The following RHOA variants were observed in gnomAD, a reference collection of about 807,000 sequenced individuals.
The protein encoded by RHOA is transforming protein RhoA.
RHOA carries 3 observed loss-of-function variants against 17.5 expected under a neutral mutation model. The ratio of observed to expected loss-of-function variants is 0.17; its 90% CI spans 0.08 to 0.44. The LOEUF (loss-of-function observed/expected upper bound fraction) is 0.44. RHOA is among the 20% of genes least tolerant of loss of function. The pLI, the probability that RHOA is intolerant of heterozygous loss-of-function variation, is 0.99. For missense variants in RHOA, 56 were observed against 242.3 expected (o/e 0.23, Z 5.10); for synonymous variants, 98 against 88.4 (o/e 1.11, Z -0.61).
At chr3:49,364,121 A>G (rs1319967665) in intron 3 of RHOA, among the ~76,000 whole-genome samples, 7 of 151,906 alleles carry the variant, frequency 4.6e-5, no homozygotes, top group Non-Finnish European at 4.4e-5. Flanking sequence ...AGGCTGAGGC[A>G]GGTGGATCGC....
intron 1 of RHOA, among the ~76,000 whole-genome samples, chr3:49,392,229 C>G (rs184701936): frequency 6.6e-6 from 1 of 152,128 alleles, no homozygotes; most frequent in Admixed American, 6.6e-5. Context: ...GCCAGGAGCT[C>G]GAGACCAGCC....
chr3:49,392,174 T>C (rs1218067624), intron 1 of RHOA, among the ~76,000 whole-genome samples: 1 of 151,986 alleles, frequency 6.6e-6, no homozygotes, highest in Non-Finnish European at 1.5e-5. Context: ...AAAACAATGC[T>C]GGTCAGGCAC....
intron 1 of RHOA, among the ~76,000 whole-genome samples, chr3:49,397,044 C>T (rs991201155): frequency 2.7e-5 from 4 of 150,238 alleles, no homozygotes; most frequent in Admixed American, 6.7e-5. Flanking sequence ...GTGGCAGGAT[C>T]GCTTGGGCCC....
At chr3:49,370,449 G>C (rs2107842071) in intron 2 of RHOA, among the ~76,000 whole-genome samples, 1 of 152,274 alleles carries the variant, frequency 6.6e-6, no homozygotes, top group South Asian at 2.1e-4. Flanking sequence ...GAAGATACAA[G>C]ACTAAGTAAA....
chr3:49,405,649 G>A (rs920968072), intron 1 of RHOA, among the ~76,000 whole-genome samples: 26 of 152,052 alleles, frequency 1.7e-4, no homozygotes, highest in Middle Eastern at 3.2e-3. Flanking sequence ...CAGAATCCAT[G>A]CTCTTAAATA....
At chr3:49,411,654 C>T (rs1228496499) in intron 1 of RHOA, among the ~76,000 whole-genome samples, 166 bp downstream of exon 1, 3 of 151,694 alleles carry the variant, frequency 2.0e-5, no homozygotes, top group Non-Finnish European at 4.4e-5. Context: ...GCTTGGGGCG[C>T]GGGGCCCGGG....
chr3:49,397,850 T>C (rs1013067702), intron 1 of RHOA, among the ~76,000 whole-genome samples: 2 of 152,064 alleles, frequency 1.3e-5, no homozygotes, highest in South Asian at 2.1e-4. Flanking sequence ...TAACAGCTGA[T>C]AGAGGCAAGG....
chr3:49,401,564 A>C (rs963275743), intron 1 of RHOA, among the ~76,000 whole-genome samples: 2 of 151,920 alleles, frequency 1.3e-5, no homozygotes, highest in Non-Finnish European at 2.9e-5. Flanking sequence ...GTCTCAAAAA[A>C]AAAAAAAAAA....
At position 49,360,037 on chromosome 3, in the gene RHOA, T is replaced by G; in HGVS notation, c.*172A>C. On this transcript the variant is annotated 3_prime_UTR_variant, in exon 5 of 5. Coordinates refer to ENST00000418115, the MANE Select transcript of RHOA (RefSeq NM_001664.4). ...AAAGGACCCTGGTGGGCCAGACGGG[T>G]TGGACATCGTTAATAATCATAGTTG... 2 of 728,912 alleles carry G rather than the reference T, an allele frequency of 2.7e-6. No homozygotes were observed. The highest frequency in any genetic ancestry group is 4.2e-6 in the Non-Finnish European group (2 of 472,380). The allele number at this position is 728,912 out of a possible 1,614,324, so 45.2% of individuals were successfully genotyped here. A position where few individuals can be genotyped will look rare whatever the true frequency, so the allele number is the denominator to read the frequency against.
At chr3:49,397,427 C>T (rs1207985067) in intron 1 of RHOA, among the ~76,000 whole-genome samples, 1 of 152,176 alleles carries the variant, frequency 6.6e-6, no homozygotes, top group Non-Finnish European at 1.5e-5. Context: ...TATACTAAAA[C>T]CCACCAAACT....
intron 1 of RHOA, among the ~76,000 whole-genome samples, chr3:49,389,810 G>A (rs1051695736): frequency 1.3e-5 from 2 of 151,762 alleles, no homozygotes; most frequent in Non-Finnish European, 2.9e-5. Flanking sequence ...GGTGGCAGGT[G>A]CCTGTAGTCC....
At chr3:49,407,236 T>G (rs865998572) in intron 1 of RHOA, among the ~76,000 whole-genome samples, 16 of 129,896 alleles carry the variant, frequency 1.2e-4, no homozygotes, top group Middle Eastern at 3.7e-3. Flanking sequence ...CTTTCCGTTT[T>G]TTTTTTTTTT....
intron 3 of RHOA, chr3:49,367,124 C>G (rs1055862241): frequency 6.6e-6 from 1 of 151,900 alleles, no homozygotes; most frequent in African/African-American, 2.4e-5. Context: ...AGGCGGATCA[C>G]GAGGTCAGGA....
chr3:49,403,080 G>A (rs545407245), intron 1 of RHOA, among the ~76,000 whole-genome samples: 70 of 150,372 alleles, frequency 4.7e-4, no homozygotes, highest in Middle Eastern at 3.5e-3. Context: ...GGTGGCTCAC[G>A]CCTGTAATCC....
In RHOA at chr3:49,394,193, A is replaced by G. The variant is rs540070934; in HGVS notation, c.-3+17627T>C. Among the ~76,000 whole-genome samples, 3 of 150,846 alleles carry G rather than the reference A, an allele frequency of 2.0e-5. No individual in the cohort carries two copies. In the East Asian group the frequency reaches 5.9e-4, roughly 30 times the overall value. ...CCTAATTTTTGTATTTTTAGTAGAG[A>G]CAGGGATTCACCATGTTGGTCAGGC... On this transcript the variant is annotated intron_variant, in intron 1 of 4. Coordinates refer to ENST00000418115, the MANE Select transcript of RHOA (RefSeq NM_001664.4).
intron 1 of RHOA, among the ~76,000 whole-genome samples, chr3:49,392,705 A>G (rs2048530408): frequency 6.6e-6 from 1 of 152,166 alleles, no homozygotes; most frequent in African/African-American, 2.4e-5. Flanking sequence ...TCAATGCTCA[A>G]TAGCCACATG....
intron 1 of RHOA, among the ~76,000 whole-genome samples, chr3:49,409,593 C>T (rs141385242): frequency 6.6e-6 from 1 of 152,212 alleles, no homozygotes; most frequent in Non-Finnish European, 1.5e-5. Flanking sequence ...TCTCTCAGCT[C>T]TCTAAGACAA....
intron 4 of RHOA, among the ~76,000 whole-genome samples, chr3:49,362,021 A>AT (rs1440676502): frequency 6.6e-6 from 1 of 151,128 alleles, no homozygotes; most frequent in Non-Finnish European, 1.5e-5. Context: ...AACCCCATCT[A>AT]TTAAAAAAAA....
intron 1 of RHOA, among the ~76,000 whole-genome samples, chr3:49,380,863 G>A (rs1383804423): frequency 6.6e-6 from 1 of 151,580 alleles, no homozygotes; most frequent in Admixed American, 6.6e-5. Flanking sequence ...AAAAAACTCA[G>A]AGGGCTGACA....
Sources: gnomAD v4.1 joint callset for allele counts (sites outside exome capture counted in the v4.1 genomes callset) on GRCh38, gnomAD v4.1.1 for gene constraint, MANE v1.5 for transcripts, NCBI Gene and HGNC (gene_info 2026-07-23, HGNC 2026-07-21) for gene names.